The following MET variants were observed in gnomAD, a reference collection of about 807,000 sequenced individuals.
MET encodes hepatocyte growth factor receptor.
Under a neutral mutation model 133.1 loss-of-function variants are expected in MET, and 48 were observed. The observed-to-expected ratio is 0.36, with a 90% CI of 0.29 to 0.46. MET has a LOEUF of 0.46. Ranked by LOEUF, MET falls within the 20% of genes least tolerant of loss-of-function variation. The pLI is 1.00. For synonymous variants in MET, 628 were observed against 616.5 expected, an observed-to-expected ratio of 1.02 and a Z score of -0.28; for missense variants, 1,442 against 1,695.9, an observed-to-expected ratio of 0.85 and a Z score of 2.63.
Position 116,795,962 on chromosome 7 carries a change from A to G in MET, c.4011A>G (p.Ile1337Met), listed in dbSNP as rs376418811. The change falls in exon 21 of 21, where the codon ATA becomes ATG. Residue 1337 changes from isoleucine (I) to methionine (M), a missense_variant. By Grantham distance (10) the Ile-to-Met change is conservative (BLOSUM62 1). Around this residue, in one of 6 missense-constraint regions of MET, gnomAD observed 94 missense variants for 109.5 expected, o/e 0.86. Coordinates refer to ENST00000397752, the MANE Select transcript of MET (RefSeq NM_000245.4). ...RPSFSELVSR[I>M]SAIFSTFIGE... ...CCTTTTCTGAACTGGTGTCCCGGAT[A>G]TCAGCGATCTTCTCTACTTTCATTG... 5.0e-6 allele frequency: 8 copies of G among 1,614,082 alleles called. No homozygotes were observed. The highest frequency in any genetic ancestry group is 2.7e-5 in the African/African-American group (2 of 74,932).
intron 3 of MET, among the ~76,000 whole-genome samples, chr7:116,737,638 T>C (rs904191799): frequency 6.6e-6 from 1 of 152,162 alleles, no homozygotes; most frequent in African/African-American, 2.4e-5. Flanking sequence ...GAGGAGTAAA[T>C]AAAATCTCCA....
chr7:116,719,379 C>T (rs1792384999), intron 2 of MET, among the ~76,000 whole-genome samples: 1 of 151,962 alleles, frequency 6.6e-6, no homozygotes, highest in African/African-American at 2.4e-5. Flanking sequence ...ATTGTAGATT[C>T]TGGATATTAG....
At chr7:116,689,833 T>C (rs1031170535) in intron 1 of MET, among the ~76,000 whole-genome samples, 1 of 152,160 alleles carries the variant, frequency 6.6e-6, no homozygotes, top group Non-Finnish European at 1.5e-5. Flanking sequence ...GTGCTGGGAT[T>C]GCTGGCGTGA....
At chr7:116,751,265 C>G (rs1793909495) in intron 5 of MET, among the ~76,000 whole-genome samples, 1 of 152,156 alleles carries the variant, frequency 6.6e-6, no homozygotes, top group Admixed American at 6.5e-5. Flanking sequence ...AGTTCATGTC[C>G]TTTGCAGGGA....
chr7:116,698,630 A>G (rs752686328), intron 1 of MET, among the ~76,000 whole-genome samples: 3 of 152,250 alleles, frequency 2.0e-5, no homozygotes, highest in Non-Finnish European at 2.9e-5. Context: ...TGTGATTTCT[A>G]GAATAAATGA....
intron 2 of MET, among the ~76,000 whole-genome samples, chr7:116,717,601 G>C (rs1382910566): frequency 2.0e-5 from 3 of 152,190 alleles, no homozygotes; most frequent in Non-Finnish European, 4.4e-5. Flanking sequence ...ATATTCAAAT[G>C]CTTCTGGTAA....
chr7:116,772,600 A>C (rs186052051), intron 14 of MET, among the ~76,000 whole-genome samples: 1 of 152,280 alleles, frequency 6.6e-6, no homozygotes, highest in East Asian at 1.9e-4. Context: ...TTTTATTTAA[A>C]TCTCCTGGTA....
chr7:116,779,452 T>C (rs565927958), intron 17 of MET, among the ~76,000 whole-genome samples: 4 of 152,194 alleles, frequency 2.6e-5, no homozygotes, highest in Non-Finnish European at 5.9e-5. Flanking sequence ...CACTTCCTCA[T>C]CTTCTTCAGC....
chr7:116,744,220 T>G (rs73471107), intron 5 of MET, among the ~76,000 whole-genome samples: 10,933 of 152,000 alleles, frequency 0.072, 626 homozygotes, highest in African/African-American at 0.15. Flanking sequence ...GCCTCAGAAT[T>G]TGGGTAATAA....
At chr7:116,734,540 A>G (rs1353279424) in intron 3 of MET, among the ~76,000 whole-genome samples, 1 of 152,264 alleles carries the variant, frequency 6.6e-6, no homozygotes, top group Non-Finnish European at 1.5e-5. Context: ...CTAACATTTA[A>G]TGATGTGTAA....
chr7:116,711,304 A>G (rs565842370), intron 2 of MET, among the ~76,000 whole-genome samples: 1 of 152,296 alleles, frequency 6.6e-6, no homozygotes, highest in East Asian at 1.9e-4. Context: ...AGTTTACACA[A>G]CCTTGCTCAG....
intron 1 of MET, among the ~76,000 whole-genome samples, chr7:116,678,801 C>T (rs1796249202): frequency 6.6e-6 from 1 of 152,120 alleles, no homozygotes; most frequent in South Asian, 2.1e-4. Context: ...GAAATTTAAT[C>T]CATGTGTCTT....
At chr7:116,695,615 G>A (rs142472407) in intron 1 of MET, 60 of 270,740 alleles carry the variant, frequency 2.2e-4, no homozygotes, top group African/African-American at 9.1e-4. Context: ...AAGCTGCTTC[G>A]GCATAGTGAA....
chr7:116,748,573 G>A (rs1205154151), intron 5 of MET, among the ~76,000 whole-genome samples: 3 of 152,200 alleles, frequency 2.0e-5, no homozygotes, highest in Non-Finnish European at 4.4e-5. Flanking sequence ...AACTAGAGAA[G>A]CAAGAGCAAA....
At position 116,757,754 on chromosome 7, in the gene MET, A is replaced by C. The variant is rs1156480798; in HGVS notation, c.2082A>C (p.Gly694=). 1 of 1,613,950 alleles carries C rather than the reference A, an allele frequency of 6.2e-7. No homozygotes were observed. Among genetic ancestry groups the C allele is most frequent in the Admixed American group, 1.7e-5 (1 of 59,996 alleles). Reference sequence around the variant, plus strand: ...ATTCTAGACACATTTCAATTGGTGGAAAAACATGTACTTTAAAAAGGTGTT... The same window carrying C: ...ATTCTAGACACATTTCAATTGGTGGCAAAACATGTACTTTAAAAAGGTGTT... ...SGNSRHISIG[G]KTCTLKSVSN... The change falls in exon 8 of 21, where the codon GGA becomes GGC. Residue 694 remains glycine (G), a synonymous_variant. Coordinates refer to ENST00000397752, the MANE Select transcript of MET (RefSeq NM_000245.4).
intron 5 of MET, among the ~76,000 whole-genome samples, chr7:116,754,003 C>T (rs962711920): frequency 4.6e-5 from 7 of 152,134 alleles, no homozygotes; most frequent in East Asian, 1.9e-4. Flanking sequence ...GGTGAGGTGG[C>T]GCACACCTGT....
At chr7:116,762,024 A>C (rs1321808230) in intron 10 of MET, among the ~76,000 whole-genome samples, 2 of 152,148 alleles carry the variant, frequency 1.3e-5, no homozygotes, top group Non-Finnish European at 1.5e-5. Flanking sequence ...GAAAAATGCA[A>C]CCGTTAACCT....
chr7:116,729,040 C>T (rs1243706414), intron 2 of MET, among the ~76,000 whole-genome samples: 1 of 152,216 alleles, frequency 6.6e-6, no homozygotes, highest in African/African-American at 2.4e-5. Flanking sequence ...GGTCTTTGCT[C>T]CTTTAAGCAG....
chr7:116,757,569 A>G (rs778002788), intron 7 of MET, 30 bp downstream of exon 7: 1 of 1,612,814 alleles, frequency 6.2e-7, no homozygotes. Flanking sequence ...ATCATGTTTG[A>G]TTTTTACTTA....
Sources: gnomAD v4.1 joint callset for allele counts (sites outside exome capture counted in the v4.1 genomes callset) on GRCh38, gnomAD v4.1.1 for gene constraint, gnomAD v4.1.1 regional missense constraint, MANE v1.5 for transcripts, NCBI Gene and HGNC (gene_info 2026-07-23, HGNC 2026-07-21) for gene names.